ARAP2: variants seen among roughly 807,000 people sequenced by gnomAD.
ARAP2 encodes the protein arf-GAP with Rho-GAP domain, ANK repeat and PH domain-containing protein 2.
In ARAP2, 148 loss-of-function variants were observed where a neutral mutation model predicts 194.5. The observed-to-expected ratio is 0.76, with a 90% confidence interval of 0.67 to 0.87. ARAP2 has a LOEUF of 0.87. Ranked by LOEUF, ARAP2 falls within the 40% of genes least tolerant of loss-of-function variation. The pLI is 0.00. For synonymous variants in ARAP2, 695 were observed against 683.5 expected, an observed-to-expected ratio of 1.02 and a Z score of -0.26; for missense variants, 2,128 against 1,989.7, an observed-to-expected ratio of 1.07 and a Z score of -1.32.
At chr4:36,058,357 T>C (rs549283524) in intron 1 of ARAP2, among the ~76,000 whole-genome samples, 1 of 152,344 alleles carries the variant, frequency 6.6e-6, no homozygotes, top group African/African-American at 2.4e-5. Context: ...GAGTCTCCAA[T>C]GTTGTTTCCT....
At chr4:36,172,113 A>G (rs946325190) in intron 9 of ARAP2, among the ~76,000 whole-genome samples, 8 of 152,230 alleles carry the variant, frequency 5.3e-5, no homozygotes, top group African/African-American at 1.9e-4. Flanking sequence ...CAATATTTTA[A>G]ATTTAATTTG....
intron 29 of ARAP2, among the ~76,000 whole-genome samples, chr4:36,082,829 TGAAGTG>T (rs1729883616): frequency 6.6e-6 from 1 of 152,120 alleles, no homozygotes; most frequent in Non-Finnish European, 1.5e-5. Context: ...CTGGGGTACA[TGAAGTG>T]TTAAAGAGGC....
At chr4:36,009,400 A>G (rs1341533683) in intron 9 of ARAP2, among the ~76,000 whole-genome samples, 3 of 152,150 alleles carry the variant, frequency 2.0e-5, no homozygotes, top group African/African-American at 7.2e-5. Flanking sequence ...ACATATAGGC[A>G]AACTAACACA....
At chr4:36,202,231 T>C (rs1220611595) in intron 6 of ARAP2, among the ~76,000 whole-genome samples, 2 of 152,178 alleles carry the variant, frequency 1.3e-5, no homozygotes. Context: ...CCAATTATTC[T>C]TTTAAGAAGC....
intron 1 of ARAP2, among the ~76,000 whole-genome samples, chr4:36,231,085 C>T (rs992648754): frequency 2.2e-4 from 34 of 152,140 alleles, no homozygotes; most frequent in African/African-American, 7.5e-4. Context: ...GCCTGTAATC[C>T]CAGCACTTTG....
intron 7 of ARAP2, among the ~76,000 whole-genome samples, chr4:36,191,866 T>C (rs13120537): frequency 0.23 from 34,453 of 151,988 alleles, 4,715 homozygotes; most frequent in South Asian, 0.32. Context: ...GCTGTTTGGA[T>C]CATGCCATTT....
At chr4:36,009,197 A>T (rs1299322246) in intron 9 of ARAP2, among the ~76,000 whole-genome samples, 4 of 152,168 alleles carry the variant, frequency 2.6e-5, no homozygotes, top group African/African-American at 9.6e-5. Flanking sequence ...ATTACTGAGT[A>T]TATACTCAAA....
chr4:36,240,914 C>T (rs917413166), intron 1 of ARAP2, among the ~76,000 whole-genome samples: 1 of 152,122 alleles, frequency 6.6e-6, no homozygotes, highest in African/African-American at 2.4e-5. Flanking sequence ...ATATTAGTAG[C>T]ATAGGAGGTA....
At chr4:36,105,372 C>A (rs1170065443) in intron 27 of ARAP2, among the ~76,000 whole-genome samples, 1 of 151,932 alleles carries the variant, frequency 6.6e-6, no homozygotes, top group Non-Finnish European at 1.5e-5. Flanking sequence ...TCATCCAAAT[C>A]TCTGAAACAT....
intron 9 of ARAP2, among the ~76,000 whole-genome samples, chr4:36,176,161 G>A (rs753753994): frequency 6.6e-6 from 1 of 152,126 alleles, no homozygotes; most frequent in Non-Finnish European, 1.5e-5. Context: ...TACTGTTCCG[G>A]TTTTAAACTC....
rs1005903652 is a variant in ARAP2, at chr4:36,067,718, TAA to T, written c.*187_*188del. ...TTTACAAGGTTTGTTCAGACCAAAA[TAA>T]AGTTAATCTTACATTCAGTCACATA... On this transcript the variant is annotated 3_prime_UTR_variant, in exon 33 of 33. Coordinates refer to ENST00000303965, the MANE Select transcript of ARAP2 (RefSeq NM_015230.4). 21 of 571,266 alleles carry T rather than the reference TAA, an allele frequency of 3.7e-5. No homozygotes were observed. The highest frequency in any genetic ancestry group is 3.4e-4 in the African/African-American group (18 of 52,686). 35.4% of individuals were successfully genotyped at this position (571,266 alleles called of 1,614,324 possible).
At chr4:36,091,803 G>A in intron 28 of ARAP2, 78 bp downstream of exon 28, 1 of 1,437,664 alleles carries the variant, frequency 7.0e-7, no homozygotes, top group Non-Finnish European at 9.3e-7. Flanking sequence ...ACTTCCAAGA[G>A]AGATGGCTGA....
chr4:36,236,456 T>C (rs1752474368), intron 1 of ARAP2, among the ~76,000 whole-genome samples: 1 of 152,144 alleles, frequency 6.6e-6, no homozygotes, highest in Non-Finnish European at 1.5e-5. Flanking sequence ...GAATCAGTCA[T>C]ATGATCAATC....
intron 3 of ARAP2, among the ~76,000 whole-genome samples, chr4:36,049,900 T>G (rs909170543): frequency 6.6e-6 from 1 of 152,162 alleles, no homozygotes; most frequent in Non-Finnish European, 1.5e-5. Context: ...GCTCTTTGAA[T>G]TAAACATGCA....
At chr4:36,064,839 C>T (rs1725134692), downstream of ARAP2, among the ~76,000 whole-genome samples, 1 of 152,080 alleles carries the variant, frequency 6.6e-6, no homozygotes, top group Non-Finnish European at 1.5e-5. Context: ...GAGAAGCCAC[C>T]ATAAAGGAGA....
At chr4:36,097,527 G>C (rs1715633528) in intron 27 of ARAP2, among the ~76,000 whole-genome samples, 1 of 152,000 alleles carries the variant, frequency 6.6e-6, no homozygotes, top group South Asian at 2.1e-4. Context: ...AACTGTTCAG[G>C]TACTGGTTGG....
chr4:36,037,291 T>C (rs1720087479), intron 5 of ARAP2, among the ~76,000 whole-genome samples: 1 of 152,140 alleles, frequency 6.6e-6, no homozygotes, highest in Non-Finnish European at 1.5e-5. Flanking sequence ...TAAATATCTA[T>C]TTACCTTATT....
At chr4:36,113,209 G>C (rs1481644190) in intron 26 of ARAP2, among the ~76,000 whole-genome samples, 1 of 151,962 alleles carries the variant, frequency 6.6e-6, no homozygotes. Context: ...TCATTTGCCA[G>C]AGTATTTCTG....
At chr4:36,242,133 G>A (rs1278322672) in intron 1 of ARAP2, among the ~76,000 whole-genome samples, 1 of 152,152 alleles carries the variant, frequency 6.6e-6, no homozygotes, top group Non-Finnish European at 1.5e-5. Context: ...ACAAGGTCCA[G>A]AACTTTGCAG....
Sources: allele counts gnomAD v4.1 joint callset (sites outside exome capture counted in the v4.1 genomes callset), GRCh38; gene constraint gnomAD v4.1.1; transcripts MANE v1.5; gene names NCBI Gene and HGNC (gene_info 2026-07-23, HGNC 2026-07-21).